Variants in ADGRG4 observed in about 807,000 individuals in gnomAD.
ADGRG4 encodes G protein-coupled receptor 112.
In ADGRG4, 122 loss-of-function variants were observed where a neutral mutation model predicts 126.2. The observed-to-expected ratio is 0.97, with a 90% CI of 0.83 to 1.12. ADGRG4 has a LOEUF of 1.12. Ranked by LOEUF, ADGRG4 falls within the 50% of genes most tolerant of loss-of-function variation. The probability of loss-of-function intolerance (pLI) is 0.00; values close to 1 mark genes in which losing one functional copy is unlikely to be tolerated. For missense variants in ADGRG4, 2,481 were observed against 2,251.8 expected, an observed-to-expected ratio of 1.10 and a Z score of -2.06; for synonymous variants, 943 against 838.7, an observed-to-expected ratio of 1.12 and a Z score of -2.15.
At chrX:136,387,262 T>G (rs1212943214) in intron 15 of ADGRG4, among the ~76,000 whole-genome samples, 1 of 112,390 alleles carries the variant, frequency 8.9e-6, no homozygotes, top group Non-Finnish European at 1.9e-5. Flanking sequence ...CTCACTTCCC[T>G]GCTTCACTTT....
At chrX:136,370,257 CA>C (rs772619631) in intron 13 of ADGRG4, among the ~76,000 whole-genome samples, 5 of 112,141 alleles carry the variant, frequency 4.5e-5, no homozygotes, top group Non-Finnish European at 9.4e-5. Context: ...TTTTTCTTAA[CA>C]AATGGTATTT....
At chrX:136,413,740 GT>G (rs2075460328) in intron 24 of ADGRG4, among the ~76,000 whole-genome samples, 18 of 53,011 alleles carry the variant, frequency 3.4e-4, no homozygotes, top group African/African-American at 1.4e-3. Context: ...TTTTGTTTTT[GT>G]TTTTGTTTTT....
intron 23 of ADGRG4, among the ~76,000 whole-genome samples, chrX:136,410,676 T>C (rs1426037904): frequency 1.8e-5 from 2 of 111,913 alleles, no homozygotes; most frequent in Non-Finnish European, 3.8e-5. Context: ...TGCGAGTTTG[T>C]GTATCAAGTG....
In ADGRG4 at chrX:136,397,851, G is replaced by T. The variant is rs73240372; in HGVS notation, c.8185-30G>T. ...TTGCCATAAACTTGCTCTGGTGTAT[G>T]TGTAAAACACAACACATTGTGTTCC... On this transcript the variant is annotated intron_variant, in intron 19 of 25. Transcript: ENST00000394143. The T allele has an allele frequency of 2.5e-3, 2,941 of 1,196,798 alleles. 4 individuals are homozygous for T. Among genetic ancestry groups the T allele is most frequent in the Non-Finnish European group, 3.1e-3 (2,787 of 886,062 alleles).
At chrX:136,309,552 T>C (rs2074754811) in intron 4 of ADGRG4, among the ~76,000 whole-genome samples, 1 of 112,197 alleles carries the variant, frequency 8.9e-6, no homozygotes, top group Middle Eastern at 4.2e-3. Flanking sequence ...TAAATGCCAG[T>C]GAGTGACAAC....
In ADGRG4 at chrX:136,346,015, C is replaced by T. The variant is rs763660922; in HGVS notation, c.2309C>T (p.Pro770Leu). Residue 770 changes from proline to leucine, a missense_variant, in exon 6 of 26, where the codon CCT (proline) becomes CTT (leucine). Transcript: ENST00000394143. ...AAAACAATACCTATGTCTACAAAAC[C>T]TGCAAATGAACTTCCTTTGACACCA... Reference protein sequence around the residue: ...LLKTIPMSTKPANELPLTPRE... With the variant: ...LLKTIPMSTKLANELPLTPRE... 8 of 1,206,050 alleles carry T rather than the reference C, an allele frequency of 6.6e-6. No individual in the cohort carries two copies. In the South Asian group the frequency reaches 1.4e-4, roughly 21 times the overall value.
intron 19 of ADGRG4, among the ~76,000 whole-genome samples, chrX:136,397,438 G>A (rs1285735051): frequency 9.3e-6 from 1 of 107,182 alleles, no homozygotes; most frequent in Non-Finnish European, 1.9e-5. Flanking sequence ...GATCTCTAAG[G>A]TCCATTTTGT....
intron 15 of ADGRG4, among the ~76,000 whole-genome samples, chrX:136,379,203 T>C (rs768233488): frequency 1.2e-4 from 13 of 111,742 alleles, no homozygotes; most frequent in African/African-American, 4.2e-4. Flanking sequence ...CTTGTGTCAG[T>C]TTTTGGATAG....
At chrX:136,411,330 G>A (rs991169826) in intron 23 of ADGRG4, among the ~76,000 whole-genome samples, 3 of 112,712 alleles carry the variant, frequency 2.7e-5, no homozygotes, top group East Asian at 2.8e-4. Context: ...GATTACAGGC[G>A]TGAGACATCA....
intron 14 of ADGRG4, among the ~76,000 whole-genome samples, chrX:136,372,679 G>T (rs187470222): frequency 1.8e-5 from 2 of 112,161 alleles, no homozygotes; most frequent in East Asian, 5.6e-4. Context: ...GAAGCTAAGT[G>T]AGATTACTTT....
chrX:136,343,910 G>A (rs1175550678), intron 5 of ADGRG4, among the ~76,000 whole-genome samples: 1 of 112,053 alleles, frequency 8.9e-6, no homozygotes, highest in East Asian at 2.8e-4. Context: ...GGGTGTGAAA[G>A]TGATGGAGCC....
At chrX:136,412,175 T>G in intron 23 of ADGRG4, 90 bp from the exon 24 acceptor site, 1 of 588,826 alleles carries the variant, frequency 1.7e-6, no homozygotes, top group Admixed American at 2.6e-5. Context: ...GAAAGTAGTA[T>G]CTCTCATGAC....
At chrX:136,337,284 T>G (rs1327655736) in intron 5 of ADGRG4, among the ~76,000 whole-genome samples, 1 of 112,081 alleles carries the variant, frequency 8.9e-6, no homozygotes, top group Non-Finnish European at 1.9e-5. Context: ...TAAATTTTGT[T>G]GTTTTAAATA....
At chrX:136,363,713 T>A in intron 13 of ADGRG4, 118 bp downstream of exon 13, 2 of 501,097 alleles carry the variant, frequency 4.0e-6, no homozygotes, top group Non-Finnish European at 7.2e-6. Flanking sequence ...CTTACGACAA[T>A]CCAATTTCAG....
rs1431029201 is a variant in ADGRG4, at chrX:136,340,616, CTT to C, written c.686-3774_686-3773del. On this transcript the variant is annotated intron_variant, in intron 5 of 25. Coordinates refer to ENST00000394143, the MANE Select transcript of ADGRG4 (RefSeq NM_153834.4). ...TCCTTGGTACCTTCAGAAAGAGTCT[CTT>C]TCTTTCTTTGTTTCTCCTCAGATTG... Among the ~76,000 whole-genome samples, 4 of 111,358 alleles carry C rather than the reference CTT, an allele frequency of 3.6e-5. 1 individual carries two copies. The highest frequency in any genetic ancestry group is 1.3e-4 in the African/African-American group (4 of 30,636).
chrX:136,321,944 A>G (rs1166412895), intron 4 of ADGRG4, among the ~76,000 whole-genome samples: 1 of 112,104 alleles, frequency 8.9e-6, no homozygotes, highest in Non-Finnish European at 1.9e-5. Flanking sequence ...GAACGGGCAT[A>G]CAATGCTGTG....
intron 13 of ADGRG4, among the ~76,000 whole-genome samples, chrX:136,370,945 T>C (rs1174589402): frequency 9.0e-6 from 1 of 111,298 alleles, no homozygotes; most frequent in African/African-American, 3.3e-5. Context: ...ACCATCACCC[T>C]TAATTATGAA....
At position 136,347,107 on chromosome X, in the gene ADGRG4, A is replaced by T. The variant is rs1327402759; in HGVS notation, c.3401A>T (p.Asp1134Val). 4.1e-6 allele frequency: 5 copies of T among 1,209,423 alleles called. No homozygotes were observed. The Admixed American group carries it at 8.7e-5, about 21-fold the overall frequency. ...AETTLFSTSV[D>V]TVTPSTHTLV... ...ACCACCCTTTTCTCTACCTCAGTTG[A>T]TACAGTAACCCCATCTACACACACT... Residue 1134 changes from aspartate (D) to valine (V), a missense_variant, in exon 6 of 26, where the codon GAT (aspartate) becomes GTT (valine). Transcript: ENST00000394143.
intron 17 of ADGRG4, 84 bp downstream of exon 17, chrX:136,392,438 C>G (rs1463668288): frequency 2.2e-5 from 18 of 829,376 alleles, no homozygotes; most frequent in Non-Finnish European, 3.0e-5. Flanking sequence ...TGTTAATTAA[C>G]AGATGTGATT....
Sources: allele counts gnomAD v4.1 joint callset (sites outside exome capture counted in the v4.1 genomes callset), GRCh38; gene constraint gnomAD v4.1.1; transcripts MANE v1.5; gene names NCBI Gene and HGNC (gene_info 2026-07-23, HGNC 2026-07-21).